NBEA: variants seen among roughly 807,000 people sequenced by gnomAD.
The protein encoded by NBEA is neurobeachin.
NBEA carries 44 observed loss-of-function variants against 343.4 expected under a neutral mutation model. The ratio of observed to expected loss-of-function variants is 0.13; its 90% CI spans 0.10 to 0.16. The LOEUF (loss-of-function observed/expected upper bound fraction) is 0.16, where lower values mean the gene tolerates loss of function less well. Among genes scored for constraint, NBEA ranks in the 10% least tolerant of loss-of-function variants. The probability of loss-of-function intolerance (pLI) is 1.00; values close to 1 mark genes in which losing one functional copy is unlikely to be tolerated. For missense variants in NBEA, 2,555 were observed against 3,631.3 expected, an observed-to-expected ratio of 0.70 and a Z score of 7.62; for synonymous variants, 1,175 against 1,238.7, an observed-to-expected ratio of 0.95 and a Z score of 1.08.
intron 35 of NBEA, among the ~76,000 whole-genome samples, chr13:35,308,466 A>ATATGTG (rs2037077391): frequency 8.9e-6 from 1 of 112,160 alleles, no homozygotes; most frequent in Non-Finnish European, 1.7e-5. Flanking sequence ...ATATATATAT[A>ATATGTG]TATATATGTA....
chr13:35,416,587 A>C (rs1037390646), intron 38 of NBEA, among the ~76,000 whole-genome samples: 5 of 152,170 alleles, frequency 3.3e-5, no homozygotes, highest in Admixed American at 1.3e-4. Flanking sequence ...GGATGAAGCC[A>C]ACTTGATCGT....
At chr13:35,595,278 C>T (rs1037754494) in intron 47 of NBEA, among the ~76,000 whole-genome samples, 5 of 152,042 alleles carry the variant, frequency 3.3e-5, no homozygotes, top group African/African-American at 7.2e-5. Flanking sequence ...ATGTGGATAT[C>T]ACTAACTTGG....
chr13:34,966,074 G>GA (rs1173510517), intron 1 of NBEA, among the ~76,000 whole-genome samples: 5 of 151,974 alleles, frequency 3.3e-5, no homozygotes. Context: ...TTGGAAAAAG[G>GA]AAATATGGTA....
chr13:35,593,314 G>T lies in NBEA; in HGVS notation c.7177-14G>T. 2 of 1,610,564 alleles carry T rather than the reference G, an allele frequency of 1.2e-6. No homozygotes were observed. The highest frequency in any genetic ancestry group is 2.2e-5 in the East Asian group (1 of 44,816). On this transcript the variant is annotated splice_polypyrimidine_tract_variant and intron_variant, in intron 46 of 58. Transcript: ENST00000379939. The stretch of plus-strand genomic sequence containing the variant: ...TTAGAGTGGTCAAATTTCTGATTCT[G>T]TTTTTTTGCTTAGGAACCTTTCACA...
chr13:35,200,053 A>C (rs890720003), intron 31 of NBEA, among the ~76,000 whole-genome samples: 2 of 152,020 alleles, frequency 1.3e-5, no homozygotes, highest in African/African-American at 4.8e-5. Flanking sequence ...TAAAACTATA[A>C]CAATTTTTTC....
At chr13:35,296,742 CTATA>C (rs148816146) in intron 35 of NBEA, among the ~76,000 whole-genome samples, 2 of 150,908 alleles carry the variant, frequency 1.3e-5, no homozygotes, top group Non-Finnish European at 3.0e-5. Flanking sequence ...ATAGTGAAAA[CTATA>C]TATATATATA....
intron 45 of NBEA, among the ~76,000 whole-genome samples, chr13:35,571,055 A>G (rs1032137871): frequency 6.6e-6 from 1 of 152,170 alleles, no homozygotes; most frequent in African/African-American, 2.4e-5. Context: ...TCTAACAACA[A>G]AAGTAGTTGT....
intron 18 of NBEA, among the ~76,000 whole-genome samples, chr13:35,153,133 C>A (rs773499547): frequency 6.7e-6 from 1 of 150,340 alleles, no homozygotes; most frequent in East Asian, 2.0e-4. Flanking sequence ...CCCAAGTTCA[C>A]GCCATTCTCC....
At chr13:35,643,889 A>G (rs2084090594) in intron 49 of NBEA, among the ~76,000 whole-genome samples, 1 of 152,216 alleles carries the variant, frequency 6.6e-6, no homozygotes, top group Admixed American at 6.5e-5. Context: ...CACACTTGAC[A>G]AGAAAGTCAT....
chr13:35,170,932 A>G (rs1483525366), intron 25 of NBEA, among the ~76,000 whole-genome samples: 1 of 151,998 alleles, frequency 6.6e-6, no homozygotes, highest in Non-Finnish European at 1.5e-5. Flanking sequence ...ATCTTTATAA[A>G]TTACAAAACA....
chr13:35,174,606 C>G (rs1273621345), intron 27 of NBEA, among the ~76,000 whole-genome samples: 1 of 152,014 alleles, frequency 6.6e-6, no homozygotes, highest in East Asian at 1.9e-4. Context: ...TCACTACTGT[C>G]AGAGAACATT....
intron 44 of NBEA, among the ~76,000 whole-genome samples, chr13:35,563,132 GAGA>G (rs2079946426): frequency 2.4e-5 from 3 of 123,474 alleles, no homozygotes; most frequent in South Asian, 2.4e-4. Flanking sequence ...TGTGTGTGTG[GAGA>G]TAGATAGATA....
At chr13:35,356,393 T>C (rs1194018193) in intron 38 of NBEA, among the ~76,000 whole-genome samples, 1 of 152,194 alleles carries the variant, frequency 6.6e-6, no homozygotes, top group Non-Finnish European at 1.5e-5. Flanking sequence ...TGCTGTTTAT[T>C]CTGTGAATGT....
At chr13:35,567,082 A>C (rs2095433265) in intron 45 of NBEA, 65 bp downstream of exon 45, 1 of 837,890 alleles carries the variant, frequency 1.2e-6, no homozygotes, top group Middle Eastern at 2.3e-4. Flanking sequence ...TATTTCTGTC[A>C]GAGTATATAT....
intron 1 of NBEA, among the ~76,000 whole-genome samples, chr13:34,959,492 A>C (rs2059594542): frequency 6.6e-6 from 1 of 152,086 alleles, no homozygotes; most frequent in South Asian, 2.1e-4. Context: ...AATGGTCATA[A>C]AATTCTTTTG....
intron 36 of NBEA, among the ~76,000 whole-genome samples, chr13:35,317,907 T>C (rs1225759979): frequency 6.6e-6 from 1 of 152,206 alleles, no homozygotes; most frequent in Non-Finnish European, 1.5e-5. Flanking sequence ...TGTTTGTCTA[T>C]TACTGGTGTA....
At chr13:35,268,605 A>G (rs2033880048) in intron 34 of NBEA, among the ~76,000 whole-genome samples, 1 of 152,096 alleles carries the variant, frequency 6.6e-6, no homozygotes, top group Admixed American at 6.6e-5. Flanking sequence ...CAACAACAAC[A>G]AAAAACCATG....
chr13:35,223,865 TG>T (rs1219100112), intron 33 of NBEA, among the ~76,000 whole-genome samples: 1 of 152,182 alleles, frequency 6.6e-6, no homozygotes, highest in Non-Finnish European at 1.5e-5. Flanking sequence ...TGGGCTAAAA[TG>T]CAGATGTTGG....
At chr13:35,085,110 A>C (rs1391561331) in intron 10 of NBEA, among the ~76,000 whole-genome samples, 1 of 152,086 alleles carries the variant, frequency 6.6e-6, no homozygotes, top group Non-Finnish European at 1.5e-5. Flanking sequence ...CAACCAAAAA[A>C]AGTCCAGGAC....
Sources: allele counts gnomAD v4.1 joint callset (sites outside exome capture counted in the v4.1 genomes callset), GRCh38; gene constraint gnomAD v4.1.1; transcripts MANE v1.5; gene names NCBI Gene and HGNC (gene_info 2026-07-23, HGNC 2026-07-21).